Variants in SLC6A6 observed in about 807,000 individuals in gnomAD.
The protein encoded by SLC6A6 is sodium- and chloride-dependent taurine transporter.
Under a neutral mutation model 68.8 loss-of-function variants are expected in SLC6A6, and 16 were observed. That is an observed-to-expected ratio of 0.23 (90% confidence interval 0.16 to 0.35). SLC6A6 has a LOEUF of 0.35. Ranked by LOEUF, SLC6A6 falls within the 10% of genes least tolerant of loss-of-function variation. The pLI, the probability that SLC6A6 is intolerant of heterozygous loss-of-function variation, is 1.00. For synonymous variants in SLC6A6, 312 were observed against 315.4 expected (o/e 0.99, Z 0.12); for missense variants, 474 against 802.8 (o/e 0.59, Z 4.95).
At chr3:14,428,372 GC>G (rs1391024331) in intron 2 of SLC6A6, among the ~76,000 whole-genome samples, 1 of 152,226 alleles carries the variant, frequency 6.6e-6, no homozygotes, top group Non-Finnish European at 1.5e-5. Flanking sequence ...TCGGCTCAGA[GC>G]CCAGGCTGCC....
At chr3:14,444,755 G>T (rs765519232) in intron 3 of SLC6A6, 2 of 456,702 alleles carry the variant, frequency 4.4e-6, no homozygotes, top group Non-Finnish European at 8.8e-6. Flanking sequence ...GCCCCTTTGG[G>T]ACTGTGATGA....
intron 5 of SLC6A6, chr3:14,448,114 A>G (rs1185948830): frequency 2.8e-6 from 3 of 1,083,496 alleles, no homozygotes; most frequent in Non-Finnish European, 2.4e-6. Flanking sequence ...ATGCATACTT[A>G]TGTTGTCTAA....
chr3:14,471,836 C>CA (rs1700758841), intron 9 of SLC6A6, among the ~76,000 whole-genome samples: 1 of 152,252 alleles, frequency 6.6e-6, no homozygotes, highest in Non-Finnish European at 1.5e-5. Context: ...CGCCTCCTTC[C>CA]AGCAAAGGCT....
chr3:14,435,143 G>C (rs1210176730), intron 2 of SLC6A6, among the ~76,000 whole-genome samples: 2 of 152,202 alleles, frequency 1.3e-5, no homozygotes, highest in Non-Finnish European at 2.9e-5. Flanking sequence ...CTTGCCCCAG[G>C]GTGGCACCAA....
intron 10 of SLC6A6, among the ~76,000 whole-genome samples, chr3:14,475,982 C>T (rs774708025): frequency 2.6e-5 from 4 of 152,198 alleles, no homozygotes; most frequent in Non-Finnish European, 5.9e-5. Context: ...CAATGCGTCC[C>T]AAAGGAGGAA....
chr3:14,424,978 G>A (rs1256317403), intron 2 of SLC6A6, among the ~76,000 whole-genome samples: 1 of 152,202 alleles, frequency 6.6e-6, no homozygotes, highest in Non-Finnish European at 1.5e-5. Context: ...GGCAGATCTG[G>A]AGCCCAGGGG....
intron 1 of SLC6A6, among the ~76,000 whole-genome samples, chr3:14,407,952 A>ATT (rs35641033): frequency 6.6e-4 from 99 of 149,230 alleles, no homozygotes; most frequent in African/African-American, 1.6e-3. Context: ...TCAGGAGTTG[A>ATT]TTTTTTTTTT....
At chr3:14,410,263 G>C (rs1211127177) in intron 1 of SLC6A6, among the ~76,000 whole-genome samples, 3 of 151,486 alleles carry the variant, frequency 2.0e-5, no homozygotes, top group Non-Finnish European at 2.9e-5. Flanking sequence ...TTCATTGCTT[G>C]TGTGAACCCC....
chr3:14,459,825 G>A (rs548410296), intron 6 of SLC6A6, among the ~76,000 whole-genome samples: 1 of 151,546 alleles, frequency 6.6e-6, no homozygotes, highest in East Asian at 1.9e-4. Context: ...AAAATGAGGT[G>A]TGTTAAACAC....
intron 4 of SLC6A6, 95 bp from the exon 5 acceptor site, chr3:14,447,487 G>C (rs961328030): frequency 5.2e-6 from 8 of 1,530,164 alleles, no homozygotes; most frequent in Non-Finnish European, 7.1e-6. Context: ...TGTGGCCTGG[G>C]GCCTGGGGAT....
Position 14,445,879 on chromosome 3 carries a change from G to A in SLC6A6, c.364+28G>A, listed in dbSNP as rs372224350. The A allele has an allele frequency of 2.5e-6, 4 of 1,612,402 alleles. No individual in the cohort carries two copies. The African/African-American group carries it at 5.3e-5, about 22-fold the overall frequency. On this transcript the variant is annotated intron_variant, in intron 4 of 14. Coordinates refer to ENST00000622186, the MANE Select transcript of SLC6A6 (RefSeq NM_003043.6). ...GAGTATGGGACGGAGGTCACTTGGG[G>A]CCTGGCACTCATCAGTTCCACACAT... is the stretch of plus-strand genomic sequence containing the variant.
rs116771495 is a variant in SLC6A6, at chr3:14,412,515, A to C, written c.-53-3897A>C. Among the ~76,000 whole-genome samples the C allele has an allele frequency of 6.7e-3, 1,019 of 152,226 alleles. 12 individuals carry two copies. Among genetic ancestry groups the C allele is most frequent in the African/African-American group, 0.023 (953 of 41,546 alleles). On this transcript the variant is annotated intron_variant, in intron 1 of 14. Coordinates refer to ENST00000622186, the MANE Select transcript of SLC6A6 (RefSeq NM_003043.6). ...GGCAACATGGCAAAACCCCATCTCT[A>C]AAAAAATGCAAAAATTCGCCGGGTG...
At chr3:14,439,175 C>A (rs917985207) in intron 2 of SLC6A6, among the ~76,000 whole-genome samples, 3 of 152,244 alleles carry the variant, frequency 2.0e-5, no homozygotes, top group Non-Finnish European at 4.4e-5. Flanking sequence ...GGCCTTGAGC[C>A]TCTCTCTCCT....
chr3:14,419,378 C>T (rs1699437096), intron 2 of SLC6A6, among the ~76,000 whole-genome samples: 1 of 152,210 alleles, frequency 6.6e-6, no homozygotes, highest in African/African-American at 2.4e-5. Flanking sequence ...CTCTGACCTT[C>T]AGGTTCTCAT....
chr3:14,448,207 G>A, intron 5 of SLC6A6: 1 of 477,126 alleles, frequency 2.1e-6, no homozygotes, highest in African/African-American at 2.1e-5. Context: ...TGAAGCTGAA[G>A]TAGTTAAGTG....
chr3:14,422,560 C>T (rs748561870), intron 2 of SLC6A6, among the ~76,000 whole-genome samples: 13 of 152,142 alleles, frequency 8.5e-5, no homozygotes, highest in Non-Finnish European at 1.6e-4. Flanking sequence ...GTCCAGGCCC[C>T]ACCCCAGCTT....
chr3:14,464,472 TA>T (rs1454016227), intron 6 of SLC6A6, among the ~76,000 whole-genome samples: 1 of 152,224 alleles, frequency 6.6e-6, no homozygotes, highest in African/African-American at 2.4e-5. Flanking sequence ...GGAACAGTGC[TA>T]GGCACACAGT....
intron 1 of SLC6A6, among the ~76,000 whole-genome samples, chr3:14,403,409 G>A (rs1258101316): frequency 6.6e-6 from 1 of 152,178 alleles, no homozygotes; most frequent in Admixed American, 6.5e-5. Context: ...AGGTGCACGT[G>A]CGTGTCCCTG....
At chr3:14,405,466 G>C (rs955549620) in intron 1 of SLC6A6, among the ~76,000 whole-genome samples, 1 of 152,230 alleles carries the variant, frequency 6.6e-6, no homozygotes, top group Non-Finnish European at 1.5e-5. Flanking sequence ...TATAGAAAAA[G>C]CTGAGAAGTA....
Sources: gnomAD v4.1 joint callset for allele counts (sites outside exome capture counted in the v4.1 genomes callset) on GRCh38, gnomAD v4.1.1 for gene constraint, MANE v1.5 for transcripts, NCBI Gene and HGNC (gene_info 2026-07-23, HGNC 2026-07-21) for gene names.